The following UBOX5 variants were observed in gnomAD, a reference collection of about 807,000 sequenced individuals.
The protein encoded by UBOX5 is U-box domain containing 5, also known as RING finger protein 37.
In UBOX5, 28 loss-of-function variants were observed where a neutral mutation model predicts 39.0. The ratio of observed to expected loss-of-function variants is 0.72; its 90% CI spans 0.53 to 0.98. UBOX5 has a LOEUF of 0.98. Among genes scored for constraint, UBOX5 ranks in the 50% least tolerant of loss-of-function variants. The pLI is 0.00. For missense variants in UBOX5, 585 were observed against 674.4 expected, an observed-to-expected ratio of 0.87 and a Z score of 1.47; for synonymous variants, 283 against 275.5, an observed-to-expected ratio of 1.03 and a Z score of -0.27.
chr20:3,154,286 C>T (rs532166827), intron 1 of UBOX5, among the ~76,000 whole-genome samples: 2 of 152,262 alleles, frequency 1.3e-5, no homozygotes, highest in East Asian at 3.9e-4. Context: ...ACCGGATAAT[C>T]CGGGCATGAA....
intron 3 of UBOX5, among the ~76,000 whole-genome samples, chr20:3,118,938 C>CA (rs201266231): frequency 4.0e-5 from 6 of 148,690 alleles, no homozygotes; most frequent in Admixed American, 1.3e-4. Flanking sequence ...GACTCCATCT[C>CA]AAAAAAAAAG....
At chr20:3,112,843 G>A (rs532393051) in intron 4 of UBOX5, among the ~76,000 whole-genome samples, 151 of 152,208 alleles carry the variant, frequency 9.9e-4, no homozygotes, top group African/African-American at 3.4e-3. Context: ...GCGGGCGCCT[G>A]TAGCCCCAGC....
At chr20:3,139,872 GC>G (rs2066502236) in intron 1 of UBOX5, among the ~76,000 whole-genome samples, 1 of 152,034 alleles carries the variant, frequency 6.6e-6, no homozygotes, top group African/African-American at 2.4e-5. Context: ...ACCACACCCA[GC>G]TAATTTTTTT....
In UBOX5 at chr20:3,115,218, A is replaced by G. The variant is rs529579090; in HGVS notation, c.1417+87T>C. On this transcript the variant is annotated intron_variant, in intron 4 of 4. Coordinates refer to ENST00000217173, the MANE Select transcript of UBOX5 (RefSeq NM_014948.4). ...GGAGGCTGGCCAGGCAGGTCCACAG[A>G]GCCCCCAGGGACTCGGCCCAGCATC... The G allele has an allele frequency of 9.5e-6, 14 of 1,467,340 alleles. No individual in the cohort carries two copies. The South Asian group carries it at 2.0e-4, about 21-fold the overall frequency. The allele number at this position is 1,467,340 out of a possible 1,614,324, so 90.9% of individuals were successfully genotyped here. A position where few individuals can be genotyped will look rare whatever the true frequency, so the allele number is the denominator to read the frequency against.
intron 3 of UBOX5, among the ~76,000 whole-genome samples, chr20:3,117,555 G>C (rs1425732350): frequency 6.6e-6 from 1 of 152,162 alleles, no homozygotes; most frequent in Non-Finnish European, 1.5e-5. Flanking sequence ...GTGGCGGCAT[G>C]TGCCTGTAGT....
In UBOX5 at chr20:3,122,159, C is replaced by G; in HGVS notation, c.480G>C (p.Trp160Cys). The change falls in exon 3 of 5, where the codon TGG becomes TGC. Residue 160 changes from tryptophan to cysteine, a missense_variant. Physicochemically the swap from Trp to Cys is radical, Grantham distance 215. Coordinates refer to ENST00000217173, the MANE Select transcript of UBOX5 (RefSeq NM_014948.4). ...GGCTAAGGGAAAGAGCCCCTTTATT[C>G]CAGAGCTCCTGGGCCACAACAGCAG... ...PSPAVVAQEL[W>C]NKGALSLSHV... 1.9e-6 allele frequency: 3 copies of G among 1,614,126 alleles called. No individual in the cohort carries two copies. The highest frequency in any genetic ancestry group is 2.5e-6 in the Non-Finnish European group (3 of 1,180,010).
chr20:3,125,533 AT>A (rs2066378433), intron 1 of UBOX5, among the ~76,000 whole-genome samples: 1 of 69,930 alleles, frequency 1.4e-5, no homozygotes, highest in Non-Finnish European at 2.7e-5. Flanking sequence ...CCGGCCACCC[AT>A]CGTCTGGGAG....
Position 3,122,213 on chromosome 20 carries a change from A to C in UBOX5, c.426T>G (p.Phe142Leu), listed in dbSNP as rs914854787. ...AGGGGAGTGTGGCTTCCATCGCGCCAAAAGGGGGCCTGGCCTTGAAGCCCC... is the reference window on the plus strand; with the variant it reads ...AGGGGAGTGTGGCTTCCATCGCGCCCAAAGGGGGCCTGGCCTTGAAGCCCC... ...SHRGFKARPP[F>L]GAMEATLPSP... is the part of the protein sequence containing the mutation. The change falls in exon 3 of 5, where the codon TTT becomes TTG. Residue 142 changes from phenylalanine (F) to leucine (L), a missense_variant. Transcript: ENST00000217173. 11 of 1,614,246 alleles carry C rather than the reference A, an allele frequency of 6.8e-6. No individual in the cohort carries two copies. Among genetic ancestry groups the C allele is most frequent in the Non-Finnish European group, 9.3e-6 (11 of 1,180,034 alleles).
In UBOX5 at chr20:3,110,113, T is replaced by A. The variant is rs766826246; in HGVS notation, c.1619A>T (p.His540Leu). Reference protein sequence around the residue: ...PVASQDVLRVHF With the variant: ...PVASQDVLRVLF ...CCAGTGGAGGTCAGTCACTCAGAAG[T>A]GGACCCGCAGCACGTCTTGGCTAGC... Residue 540 changes from histidine to leucine, a missense_variant, in exon 5 of 5, where the codon CAC becomes CTC. By Grantham distance (99) the His-to-Leu change is moderately conservative. Transcript: ENST00000217173. The A allele has an allele frequency of 1.2e-6, 2 of 1,611,586 alleles. No individual in the cohort carries two copies. Among genetic ancestry groups the A allele is most frequent in the Admixed American group, 3.3e-5 (2 of 60,010 alleles).
intron 1 of UBOX5, among the ~76,000 whole-genome samples, chr20:3,126,772 A>T (rs1600380908): frequency 2.0e-5 from 3 of 152,082 alleles, no homozygotes; most frequent in African/African-American, 4.8e-5. Context: ...ACGGTGGCTC[A>T]TACCTGTAAT....
rs368085557 is a variant in UBOX5, at chr20:3,115,173, G to A, written c.1417+132C>T. The A allele has an allele frequency of 1.6e-4, 181 of 1,152,006 alleles. 2 individuals carry two copies. The South Asian group carries it at 3.2e-3, about 20-fold the overall frequency. 71.4% of individuals were successfully genotyped at this position (1,152,006 alleles called of 1,614,324 possible). A position where few individuals can be genotyped will look rare whatever the true frequency, so the allele number is the denominator to read the frequency against. On this transcript the variant is annotated intron_variant, in intron 4 of 4. Coordinates refer to ENST00000217173, the MANE Select transcript of UBOX5 (RefSeq NM_014948.4). ...GCAAGAGAACAGGTTCTCTCCCAGG[G>A]TGGGTGTTGGAACTGACGGGGAGGC...
In UBOX5 at chr20:3,149,529, G is replaced by C. The variant is rs2145222; in HGVS notation, c.-42+10237C>G. On this transcript the variant is annotated intron_variant, in intron 1 of 4. Coordinates refer to ENST00000217173, the MANE Select transcript of UBOX5 (RefSeq NM_014948.4). This position sits in a 1 kb window ranked among gnomAD's most constrained non-coding sequence, Gnocchi z 4.1. The stretch of plus-strand genomic sequence containing the variant: ...TTCACTGTACAAGGCAAGCAGTGAC[G>C]GCTAAAGAAGAGACGGTGCTCCGCT... Among the ~76,000 whole-genome samples, 1 of 152,002 alleles carries C rather than the reference G, an allele frequency of 6.6e-6. No individual in the cohort carries two copies. Among genetic ancestry groups the C allele is most frequent in the Non-Finnish European group, 1.5e-5 (1 of 67,970 alleles).
intron 1 of UBOX5, among the ~76,000 whole-genome samples, chr20:3,129,021 C>T (rs1418298177): frequency 6.6e-6 from 1 of 152,142 alleles, no homozygotes; most frequent in Non-Finnish European, 1.5e-5. Context: ...TACTTCTTCC[C>T]ACCTCTGTGT....
chr20:3,148,663 A>G (rs752396265), intron 1 of UBOX5: 10 of 1,614,198 alleles, frequency 6.2e-6, no homozygotes, highest in Non-Finnish European at 8.5e-6. Context: ...ACAGGAGCTG[A>G]GAAGTCTCAG....
Position 3,115,991 on chromosome 20 carries a change from G to T in UBOX5, c.1256-525C>A, listed in dbSNP as rs555580852. ...GTTGGCTAGGAGATCTCCTGACCTC[G>T]TGATCCACCTGCCTCAGCCTCCCAA... On this transcript the variant is annotated intron_variant, in intron 3 of 4. Transcript: ENST00000217173. Among the ~76,000 whole-genome samples, 19 of 152,132 alleles carry T rather than the reference G, an allele frequency of 1.2e-4. No homozygotes were observed. In the East Asian group the frequency reaches 3.5e-3, roughly 28 times the overall value.
intron 1 of UBOX5, among the ~76,000 whole-genome samples, chr20:3,143,293 G>C (rs972839569): frequency 1.3e-5 from 2 of 151,496 alleles, no homozygotes; most frequent in South Asian, 2.1e-4. Context: ...AGTAGAGACA[G>C]GTTTCACCAT....
intron 1 of UBOX5, among the ~76,000 whole-genome samples, chr20:3,137,423 C>T (rs2066480757): frequency 6.6e-6 from 1 of 152,090 alleles, no homozygotes; most frequent in African/African-American, 2.4e-5. Flanking sequence ...TGCCCGCCAC[C>T]ATGCCTGGCT....
intron 1 of UBOX5, 67 bp from the exon 2 acceptor site, chr20:3,123,473 T>C (rs1267405375): frequency 1.2e-5 from 14 of 1,192,758 alleles, no homozygotes; most frequent in Middle Eastern, 2.8e-4. Context: ...CAGAAGTTGA[T>C]TCTTAAGAGA....
chr20:3,157,021 G>C (rs1183283794), intron 1 of UBOX5, among the ~76,000 whole-genome samples: 27 of 152,108 alleles, frequency 1.8e-4, no homozygotes. Context: ...CAGCACTTTG[G>C]AAGGCCGAGC....
Sources: gnomAD v4.1 joint callset for allele counts (sites outside exome capture counted in the v4.1 genomes callset) on GRCh38, gnomAD v4.1.1 for gene constraint, Gnocchi (gnomAD v3.1) non-coding constraint, MANE v1.5 for transcripts, NCBI Gene and HGNC (gene_info 2026-07-23, HGNC 2026-07-21) for gene names.